KHDRBS2: variants seen among roughly 807,000 people sequenced by gnomAD.
KHDRBS2 encodes the protein KH RNA binding domain containing, signal transduction associated 2, also known as KH domain-containing, RNA-binding, signal transduction-associated protein 2.
In KHDRBS2, 26 loss-of-function variants were observed where a neutral mutation model predicts 44.3. The ratio of observed to expected loss-of-function variants is 0.59; its 90% confidence interval spans 0.43 to 0.81. The LOEUF (loss-of-function observed/expected upper bound fraction) is 0.81, where lower values mean the gene tolerates loss of function less well. KHDRBS2 is among the 40% of genes least tolerant of loss of function. The pLI is 0.00. For synonymous variants in KHDRBS2, 194 were observed against 151.1 expected (o/e 1.28, Z -2.08); for missense variants, 476 against 433.1 (o/e 1.10, Z -0.88).
chr6:62,228,982 G>C (rs939443512), intron 1 of KHDRBS2, among the ~76,000 whole-genome samples: 1 of 152,190 alleles, frequency 6.6e-6, no homozygotes, highest in Non-Finnish European at 1.5e-5. Context: ...ACCCAGTTGG[G>C]TGGCACGAGG....
At chr6:61,934,016 T>C (rs1810574768) in intron 4 of KHDRBS2, among the ~76,000 whole-genome samples, 1 of 152,068 alleles carries the variant, frequency 6.6e-6, no homozygotes, top group African/African-American at 2.4e-5. Flanking sequence ...ACTGGGGTGA[T>C]GTGATTTGTG....
chr6:62,283,429 G>A (rs1842069329), intron 1 of KHDRBS2, among the ~76,000 whole-genome samples: 1 of 152,032 alleles, frequency 6.6e-6, no homozygotes, highest in South Asian at 2.1e-4. Context: ...AATCTCATTG[G>A]TTTATACTAC....
chr6:61,592,632 G>A, the KHDRBS2 span, among the ~76,000 whole-genome samples: 3 of 152,126 alleles, frequency 2.0e-5, no homozygotes, highest in African/African-American at 7.2e-5. Flanking sequence ...TCTCTGAATA[G>A]CTAACTCAAA....
intron 6 of KHDRBS2, among the ~76,000 whole-genome samples, chr6:61,886,396 C>T (rs1023206981): frequency 6.6e-6 from 1 of 152,104 alleles, no homozygotes; most frequent in Non-Finnish European, 1.5e-5. Flanking sequence ...CTTCTCTCTG[C>T]TTCTAAATGT....
At chr6:62,072,920 C>T (rs1795505785) in intron 2 of KHDRBS2, among the ~76,000 whole-genome samples, 1 of 152,066 alleles carries the variant, frequency 6.6e-6, no homozygotes, top group Admixed American at 6.6e-5. Context: ...GGAATGGTAC[C>T]AGCTCCCCCT....
chr6:61,645,387 T>TA, the KHDRBS2 span, among the ~76,000 whole-genome samples: 14 of 151,574 alleles, frequency 9.2e-5, 1 homozygote, highest in East Asian at 3.9e-4. Context: ...CTGAGTGATT[T>TA]AAAAAAAATC....
chr6:61,641,632 GTAT>G, the KHDRBS2 span, among the ~76,000 whole-genome samples: 1 of 151,950 alleles, frequency 6.6e-6, no homozygotes, highest in South Asian at 2.1e-4. Flanking sequence ...TCTCTCACTG[GTAT>G]TATAACATGC....
At chr6:61,973,424 G>T (rs1169733114) in intron 4 of KHDRBS2, among the ~76,000 whole-genome samples, 1 of 152,060 alleles carries the variant, frequency 6.6e-6, no homozygotes, top group Non-Finnish European at 1.5e-5. Flanking sequence ...TCCTCCATTT[G>T]CTTTTGCCAT....
intron 1 of KHDRBS2, among the ~76,000 whole-genome samples, chr6:62,200,172 T>G (rs1440517295): frequency 6.6e-6 from 1 of 152,070 alleles, no homozygotes; most frequent in Non-Finnish European, 1.5e-5. Context: ...GACATAGGCA[T>G]GGGCAAGGAC....
At chr6:62,059,197 A>ATTTT in intron 2 of KHDRBS2, among the ~76,000 whole-genome samples, 1 of 30,076 alleles carries the variant, frequency 3.3e-5, no homozygotes, top group Non-Finnish European at 8.7e-5. Context: ...AAAGTTAGGA[A>ATTTT]GTTTTTTTTT....
In KHDRBS2 at chr6:61,802,940, C is replaced by T. The variant is rs575538339; in HGVS notation, c.811-70176G>A. On this transcript the variant is annotated intron_variant, in intron 6 of 8. Transcript: ENST00000281156. ...AGGTAGCACAGTTAATGGCTCTCCA[C>T]ATCCTAATAAAGAGCAGATAGAAAG... is the stretch of plus-strand genomic sequence containing the variant. 5.5e-4 allele frequency among the ~76,000 whole-genome samples: 84 copies of T among 152,280 alleles called. No individual in the cohort carries two copies. In the South Asian group the frequency reaches 7.3e-3, roughly 13 times the overall value.
At chr6:61,612,837 G>T in the KHDRBS2 span, among the ~76,000 whole-genome samples, 206 of 126,402 alleles carry the variant, frequency 1.6e-3, 2 homozygotes, top group South Asian at 2.8e-3. Context: ...TCAAAATGCA[G>T]CCTTTTTTTT....
chr6:61,907,821 G>C (rs1455085520), intron 4 of KHDRBS2, among the ~76,000 whole-genome samples: 7 of 152,140 alleles, frequency 4.6e-5, no homozygotes, highest in Non-Finnish European at 8.8e-5. Flanking sequence ...TCATTCATTA[G>C]TACAGGAGTC....
intron 4 of KHDRBS2, among the ~76,000 whole-genome samples, chr6:61,933,089 G>A (rs1810393861): frequency 6.6e-6 from 1 of 152,160 alleles, no homozygotes; most frequent in Admixed American, 6.5e-5. Flanking sequence ...AGGCTGTACA[G>A]AAAGTATGGG....
chr6:62,091,148 G>A (rs951677796), intron 2 of KHDRBS2, among the ~76,000 whole-genome samples: 6 of 152,056 alleles, frequency 3.9e-5, no homozygotes, highest in Non-Finnish European at 7.4e-5. Flanking sequence ...AAAAGGACAA[G>A]AACTGCCACG....
chr6:62,210,069 T>C (rs1340504848), intron 1 of KHDRBS2, among the ~76,000 whole-genome samples: 4 of 152,148 alleles, frequency 2.6e-5, no homozygotes, highest in Non-Finnish European at 5.9e-5. Context: ...TCTATCCTAC[T>C]TGTTCTGTCC....
intron 2 of KHDRBS2, among the ~76,000 whole-genome samples, chr6:62,063,333 G>A (rs1159693614): frequency 2.6e-5 from 4 of 151,176 alleles, no homozygotes; most frequent in African/African-American, 7.3e-5. Context: ...CCGAACAAGA[G>A]AATTTTAGAC....
chr6:62,279,183 T>C (rs1417361701), intron 1 of KHDRBS2, among the ~76,000 whole-genome samples: 1 of 152,104 alleles, frequency 6.6e-6, no homozygotes, highest in East Asian at 1.9e-4. Flanking sequence ...AATGGGCAGA[T>C]TCTCAGATAC....
intron 8 of KHDRBS2, among the ~76,000 whole-genome samples, chr6:61,694,788 T>G (rs1199377060): frequency 6.6e-6 from 1 of 152,120 alleles, no homozygotes; most frequent in African/African-American, 2.4e-5. Flanking sequence ...AGGAACAAAA[T>G]TATAGCTGCA....
Sources: allele counts gnomAD v4.1 joint callset (sites outside exome capture counted in the v4.1 genomes callset), GRCh38; gene constraint gnomAD v4.1.1; transcripts MANE v1.5; gene names NCBI Gene and HGNC (gene_info 2026-07-23, HGNC 2026-07-21).